Variants in MSH3 observed in about 807,000 individuals in gnomAD.
MSH3 encodes mutS homolog 3.
Under a neutral mutation model 123.3 loss-of-function variants are expected in MSH3, and 106 were observed. The ratio of observed to expected loss-of-function variants is 0.86; its 90% confidence interval spans 0.73 to 1.01. MSH3 has a LOEUF of 1.01. MSH3 is among the 50% of genes least tolerant of loss of function. MSH3 has a pLI of 0.00. For synonymous variants in MSH3, 515 were observed against 481.4 expected, an observed-to-expected ratio of 1.07 and a Z score of -0.91; for missense variants, 1,459 against 1,347.6, an observed-to-expected ratio of 1.08 and a Z score of -1.29.
In MSH3 at chr5:80,861,686, G is replaced by A. The variant is rs140366795; in HGVS notation, c.3001-3127G>A. 5.6e-3 allele frequency among the ~76,000 whole-genome samples: 849 copies of A among 152,238 alleles called. 8 individuals are homozygous for A. Among genetic ancestry groups the A allele is most frequent in the African/African-American group, 0.019 (805 of 41,554 alleles). On this transcript the variant is annotated intron_variant, in intron 21 of 23. Coordinates refer to ENST00000265081, the MANE Select transcript of MSH3 (RefSeq NM_002439.5). ...GTGTGCCCCCTTCCCCCATGACTCG[G>A]TTCCCCTGCACTTTTTGACTCTCAG...
Position 80,655,213 on chromosome 5 carries a change from A to G in MSH3, c.237+249A>G, listed in dbSNP as rs6151599. The G allele has an allele frequency of 0.094, 33,474 of 357,484 alleles. 1,831 individuals are homozygous for G. Among genetic ancestry groups the G allele is most frequent in the African/African-American group, 0.17 (7,930 of 47,660 alleles). The allele number at this position is 357,484 out of a possible 1,614,324, so 22.1% of individuals were successfully genotyped here. A position where few individuals can be genotyped will look rare whatever the true frequency, so the allele number is the denominator to read the frequency against. On this transcript the variant is annotated intron_variant, in intron 1 of 23. Coordinates refer to ENST00000265081, the MANE Select transcript of MSH3 (RefSeq NM_002439.5). The stretch of plus-strand genomic sequence containing the variant: ...TTTTTAATGGCAGGCCTGAGACAGG[A>G]ACTCAGGTCTCCTGACTCCCATTCT...
intron 2 of MSH3, 121 bp downstream of exon 2, chr5:80,656,652 G>C: frequency 7.2e-7 from 1 of 1,390,812 alleles, no homozygotes; most frequent in Non-Finnish European, 1.0e-6. Flanking sequence ...GGTCCCTTTT[G>C]TTCCTGAGCA....
intron 8 of MSH3, among the ~76,000 whole-genome samples, chr5:80,691,550 C>A (rs1405638283): frequency 6.7e-6 from 1 of 148,576 alleles, no homozygotes; most frequent in Non-Finnish European, 1.5e-5. Flanking sequence ...TTTTAAATAA[C>A]AATTTTGTGA....
At chr5:80,873,767 A>G (rs934797516) in intron 23 of MSH3, among the ~76,000 whole-genome samples, 1 of 152,172 alleles carries the variant, frequency 6.6e-6, no homozygotes, top group East Asian at 1.9e-4. Context: ...CAAATTTTTC[A>G]TTCTAAACAG....
chr5:80,833,441 ATTTTTTTG>A (rs1745454714), intron 20 of MSH3, among the ~76,000 whole-genome samples: 1 of 152,034 alleles, frequency 6.6e-6, no homozygotes, highest in Non-Finnish European at 1.5e-5. Context: ...AACTTTATTT[ATTTTTTTG>A]TTTTTTTGTT....
intron 22 of MSH3, among the ~76,000 whole-genome samples, chr5:80,865,269 C>G (rs1035257874): frequency 1.3e-5 from 2 of 152,150 alleles, no homozygotes; most frequent in Non-Finnish European, 2.9e-5. Flanking sequence ...CATCTCAGTA[C>G]AGATGACAGT....
intron 20 of MSH3, among the ~76,000 whole-genome samples, chr5:80,845,027 AGTGGCTG>A (rs1745695622): frequency 6.6e-6 from 1 of 152,200 alleles, no homozygotes. Flanking sequence ...ATGTTTTTGC[AGTGGCTG>A]GTACTGATTG....
chr5:80,707,568 A>C (rs917449142), intron 8 of MSH3, among the ~76,000 whole-genome samples: 1 of 148,716 alleles, frequency 6.7e-6, no homozygotes, highest in African/African-American at 2.5e-5. Context: ...AAAAAAAAAA[A>C]CAAAAAAACC....
chr5:80,798,479 G>A (rs1744737291), intron 19 of MSH3, among the ~76,000 whole-genome samples: 1 of 152,136 alleles, frequency 6.6e-6, no homozygotes, highest in South Asian at 2.1e-4. Flanking sequence ...ATATTCATAA[G>A]CTGTTGACAA....
chr5:80,737,931 G>C (rs1743542100), intron 10 of MSH3, among the ~76,000 whole-genome samples: 1 of 152,004 alleles, frequency 6.6e-6, no homozygotes, highest in South Asian at 2.1e-4. Flanking sequence ...AAAACTCTTA[G>C]TGCATCTGAT....
chr5:80,701,670 G>A (rs1750612825), intron 8 of MSH3, among the ~76,000 whole-genome samples: 1 of 152,138 alleles, frequency 6.6e-6, no homozygotes, highest in Non-Finnish European at 1.5e-5. Flanking sequence ...GGCCAGCTTA[G>A]TTCAGAGCTC....
chr5:80,867,244 G>A (rs1187285473), intron 22 of MSH3, among the ~76,000 whole-genome samples: 1 of 152,154 alleles, frequency 6.6e-6, no homozygotes, highest in Non-Finnish European at 1.5e-5. Flanking sequence ...CCTCCTTTTT[G>A]TAATTCCCAG....
intron 20 of MSH3, among the ~76,000 whole-genome samples, chr5:80,840,381 C>T (rs1214210907): frequency 6.6e-6 from 1 of 152,040 alleles, no homozygotes; most frequent in African/African-American, 2.4e-5. Context: ...TCTTCCATTT[C>T]GACTGCTACT....
chr5:80,693,998 G>A (rs1750412857), intron 8 of MSH3, among the ~76,000 whole-genome samples: 1 of 152,148 alleles, frequency 6.6e-6, no homozygotes, highest in East Asian at 1.9e-4. Context: ...AGTTAGTATG[G>A]AATTGGCATA....
chr5:80,812,801 C>T (rs577173058), intron 19 of MSH3, among the ~76,000 whole-genome samples: 2 of 152,170 alleles, frequency 1.3e-5, no homozygotes, highest in South Asian at 4.2e-4. Flanking sequence ...TCAAGCGATC[C>T]ACCTCCTTGG....
At position 80,654,844 on chromosome 5, in the gene MSH3, C is replaced by T. The variant is rs762866873; in HGVS notation, c.117C>T (p.Ser39=). 6 of 1,605,310 alleles carry T rather than the reference C, an allele frequency of 3.7e-6. No individual in the cohort carries two copies. The highest frequency in any genetic ancestry group is 4.2e-6 in the Non-Finnish European group (5 of 1,177,036). Residue 39 remains serine, a synonymous_variant, in exon 1 of 24, where the codon TCC becomes TCT. Coordinates refer to ENST00000265081, the MANE Select transcript of MSH3 (RefSeq NM_002439.5). ...QSTGSLKSTS[S]STGAADQVDP... ...CGGGAAGCCTGAAATCCACCTCCTC[C>T]TCCACAGGTGCAGCCGACCAGGTGG...
chr5:80,873,436 A>G (rs1463412059), intron 23 of MSH3, 149 bp downstream of exon 23: 3 of 799,614 alleles, frequency 3.8e-6, no homozygotes, highest in East Asian at 2.7e-5. Context: ...TGAAGTGAAA[A>G]CAGCTCTTGC....
At chr5:80,737,157 TA>T (rs1431383289) in intron 10 of MSH3, among the ~76,000 whole-genome samples, 1 of 152,244 alleles carries the variant, frequency 6.6e-6, no homozygotes, top group African/African-American at 2.4e-5. Context: ...TTATATTTTA[TA>T]AATCAAATTA....
At chr5:80,836,554 A>G (rs1042794928) in intron 20 of MSH3, among the ~76,000 whole-genome samples, 10 of 151,596 alleles carry the variant, frequency 6.6e-5, no homozygotes, top group Non-Finnish European at 1.2e-4. Flanking sequence ...AAAAAAAAAA[A>G]AAAAAAAAAA....
Sources: allele counts gnomAD v4.1 joint callset (sites outside exome capture counted in the v4.1 genomes callset), GRCh38; gene constraint gnomAD v4.1.1; transcripts MANE v1.5; gene names NCBI Gene and HGNC (gene_info 2026-07-23, HGNC 2026-07-21).